The following ALB variants were observed in gnomAD, a reference collection of about 807,000 sequenced individuals.
ALB encodes the protein albumin, also known as serum albumin.
Under a neutral mutation model 74.5 loss-of-function variants are expected in ALB, and 37 were observed. The ratio of observed to expected loss-of-function variants is 0.50; its 90% confidence interval spans 0.38 to 0.65. The LOEUF (loss-of-function observed/expected upper bound fraction) is 0.65, where lower values mean the gene tolerates loss of function less well. Ranked by LOEUF, ALB falls within the 30% of genes least tolerant of loss-of-function variation. The probability of loss-of-function intolerance (pLI) is 0.00; values close to 1 mark genes in which losing one functional copy is unlikely to be tolerated. For missense variants in ALB, 685 were observed against 718.7 expected (o/e 0.95, Z 0.54); for synonymous variants, 249 against 251.6 (o/e 0.99, Z 0.10).
intron 4 of ALB, 152 bp downstream of exon 4, chr4:73,408,957 A>G: frequency 1.4e-6 from 1 of 703,144 alleles, no homozygotes; most frequent in Non-Finnish European, 2.3e-6. Flanking sequence ...AGTATTTGAT[A>G]CCACAAAATT....
At chr4:73,405,970 C>T (rs1425996178) in intron 2 of ALB, among the ~76,000 whole-genome samples, 1 of 150,152 alleles carries the variant, frequency 6.7e-6, no homozygotes, top group Non-Finnish European at 1.5e-5. Flanking sequence ...TAATTAAAGA[C>T]GTGTGTGGGG....
At chr4:73,418,770 C>T (rs56311145) in intron 12 of ALB, among the ~76,000 whole-genome samples, 1,769 of 152,154 alleles carry the variant, frequency 0.012, 42 homozygotes, top group African/African-American at 0.041. Flanking sequence ...AAATGCAAGC[C>T]CTGAAGCTCA....
At chr4:73,408,515 T>C (rs371740506) in intron 3 of ALB, 79 bp from the exon 4 acceptor site, 3 of 1,275,984 alleles carry the variant, frequency 2.4e-6, no homozygotes, top group East Asian at 2.5e-5. Flanking sequence ...AACCAGTATA[T>C]TAAATCCTTT....
Position 73,406,629 on chromosome 4 carries a change from G to A in ALB, c.138G>A (p.Leu46=), listed in dbSNP as rs1441240847. Residue 46 remains leucine (L), a splice_region_variant and synonymous_variant, in exon 3 of 15, where the codon TTG becomes TTA. Transcript: ENST00000295897. ...KDLGEENFKA[L]VLIAFAQYLQ... The stretch of plus-strand genomic sequence containing the variant: ...CATTTTTCTACATCCTTTGTTTCAG[G>A]GTGTTGATTGCCTTTGCTCAGTATC... The A allele has an allele frequency of 4.3e-6, 7 of 1,613,408 alleles. No individual in the cohort carries two copies. Among genetic ancestry groups the A allele is most frequent in the East Asian group, 2.2e-5 (1 of 44,804 alleles).
intron 2 of ALB, 60 bp downstream of exon 2, chr4:73,405,233 A>G: frequency 7.2e-7 from 1 of 1,394,636 alleles, no homozygotes; most frequent in Non-Finnish European, 1.0e-6. Flanking sequence ...TTATTATTCT[A>G]AAGTGCTTAT....
intron 13 of ALB, 124 bp from the exon 14 acceptor site, chr4:73,420,130 G>GTT: frequency 2.4e-6 from 2 of 843,368 alleles, no homozygotes; most frequent in Non-Finnish European, 3.9e-6. Context: ...GTAGTAAATT[G>GTT]TAATTAAAGG....
chr4:73,417,079 A>C (rs567582011), intron 10 of ALB, among the ~76,000 whole-genome samples: 1 of 152,312 alleles, frequency 6.6e-6, no homozygotes, highest in South Asian at 2.1e-4. Context: ...GGCATTCTTA[A>C]TACATGATTA....
Position 73,413,229 on chromosome 4 carries a change from A to C in ALB, c.844-191A>C, listed in dbSNP as rs111985516. 64 of 620,146 alleles carry C rather than the reference A, an allele frequency of 1.0e-4. No individual in the cohort carries two copies. The African/African-American group carries it at 1.1e-3, about 10-fold the overall frequency. The allele number at this position is 620,146 out of a possible 1,614,324, so 38.4% of individuals were successfully genotyped here. Reference sequence around the variant, plus strand: ...CACCTGCTACTGATTAGTCTATTTTAATTAAGTGGGAATGTTTTTGTAGTC... The same window carrying C: ...CACCTGCTACTGATTAGTCTATTTTCATTAAGTGGGAATGTTTTTGTAGTC... On this transcript the variant is annotated intron_variant, in intron 7 of 14. Coordinates refer to ENST00000295897, the MANE Select transcript of ALB (RefSeq NM_000477.7).
chr4:73,416,224 A>G (rs981089026), intron 9 of ALB, 32 bp from the exon 10 acceptor site: 9 of 1,572,586 alleles, frequency 5.7e-6, no homozygotes, highest in African/African-American at 4.0e-5. Context: ...CCTGAGGCAT[A>G]ATACTATTAA....
At chr4:73,419,740 T>C in intron 13 of ALB, 101 bp downstream of exon 13, 1 of 1,388,570 alleles carries the variant, frequency 7.2e-7, no homozygotes, top group Non-Finnish European at 1.0e-6. Flanking sequence ...GCTTTGTACA[T>C]GTGGGACAGG....
chr4:73,408,723 C>G lies in ALB; in HGVS notation c.400C>G (p.Pro134Ala). 6.2e-7 allele frequency: 1 copy of G among 1,613,988 alleles called. No homozygotes were observed. Among genetic ancestry groups the G allele is most frequent in the African/African-American group, 1.3e-5 (1 of 75,020 alleles). The part of the protein sequence containing the change: ...ECFLQHKDDN[P>A]NLPRLVRPEV... ...CTTCTTGCAACACAAAGATGACAAC[C>G]CAAACCTCCCCCGATTGGTGAGACC... is the stretch of plus-strand genomic sequence containing the variant. Residue 134 changes from proline (P) to alanine (A), a missense_variant, in exon 4 of 15, where the codon CCA becomes GCA. Transcript: ENST00000295897.
At position 73,409,387 on chromosome 4, in the gene ALB, A is replaced by C; in HGVS notation, c.515A>C (p.Tyr172Ser). ...YLYEIARRHPYFYAPELLFFA... is the reference protein window; with the variant it reads ...YLYEIARRHPSFYAPELLFFA... ...TATGAAATTGCCAGAAGACATCCTT[A>C]CTTTTATGCCCCGGAACTCCTTTTC... Residue 172 changes from tyrosine to serine, a missense_variant, in exon 5 of 15, where the codon TAC becomes TCC. Transcript: ENST00000295897. 6.2e-7 allele frequency: 1 copy of C among 1,613,906 alleles called. No individual in the cohort carries two copies. The highest frequency in any genetic ancestry group is 8.5e-7 in the Non-Finnish European group (1 of 1,179,828).
At chr4:73,419,436 C>A in intron 12 of ALB, 71 bp from the exon 13 acceptor site, 2 of 1,509,414 alleles carry the variant, frequency 1.3e-6, no homozygotes, top group East Asian at 2.4e-5. Context: ...ACCATCCTTA[C>A]TCTCTCCATT....
intron 12 of ALB, 186 bp from the exon 13 acceptor site, chr4:73,419,321 C>A: frequency 3.2e-6 from 2 of 627,990 alleles, no homozygotes; most frequent in Non-Finnish European, 5.4e-6. Context: ...ATTTTATTAT[C>A]CTCATCATGC....
intron 9 of ALB, among the ~76,000 whole-genome samples, chr4:73,415,604 T>C (rs959119478): frequency 3.3e-5 from 5 of 152,196 alleles, no homozygotes; most frequent in African/African-American, 9.6e-5. Context: ...GGAATAGTTT[T>C]ACAAGAAATT....
intron 4 of ALB, 82 bp downstream of exon 4, chr4:73,408,887 A>G (rs1718799348): frequency 8.2e-7 from 1 of 1,221,448 alleles, no homozygotes; most frequent in Non-Finnish European, 1.1e-6. Context: ...AATTACCATA[A>G]CAAAAATATT....
chr4:73,420,723 CA>C, intron 14 of ALB: 1 of 272,848 alleles, frequency 3.7e-6, no homozygotes, highest in East Asian at 8.1e-5. Flanking sequence ...CTTTATAGGG[CA>C]AAAACAGTTG....
chr4:73,418,352 T>C, intron 12 of ALB, 41 bp downstream of exon 12: 4 of 1,554,838 alleles, frequency 2.6e-6, no homozygotes, highest in African/African-American at 1.4e-5. Flanking sequence ...GTAGTCTTGA[T>C]AGCAAGAACT....
At chr4:73,413,982 CCTGT>C (rs776055361) in intron 8 of ALB, among the ~76,000 whole-genome samples, 35 of 152,162 alleles carry the variant, frequency 2.3e-4, no homozygotes, top group South Asian at 1.5e-3. Context: ...CTATGTATTG[CCTGT>C]CTATCTAACT....
Sources: gnomAD v4.1 joint callset for allele counts (sites outside exome capture counted in the v4.1 genomes callset) on GRCh38, gnomAD v4.1.1 for gene constraint, MANE v1.5 for transcripts, NCBI Gene and HGNC (gene_info 2026-07-23, HGNC 2026-07-21) for gene names.